SUDS3: variants seen among roughly 807,000 people sequenced by gnomAD.
The protein encoded by SUDS3 is sin3 histone deacetylase corepressor complex component SDS3.
Under a neutral mutation model 53.5 loss-of-function variants are expected in SUDS3, and 23 were observed. The ratio of observed to expected loss-of-function variants is 0.43; its 90% CI spans 0.31 to 0.61. SUDS3 has a LOEUF of 0.61. Among genes scored for constraint, SUDS3 ranks in the 20% least tolerant of loss-of-function variants. SUDS3 has a pLI of 0.10. For missense variants in SUDS3, 291 were observed against 405.9 expected, an observed-to-expected ratio of 0.72 and a Z score of 2.43; for synonymous variants, 150 against 148.5, an observed-to-expected ratio of 1.01 and a Z score of -0.08.
chr12:118,405,789 A>T (rs1217328491), intron 10 of SUDS3, among the ~76,000 whole-genome samples: 1 of 152,168 alleles, frequency 6.6e-6, no homozygotes, highest in Non-Finnish European at 1.5e-5. Context: ...CCATCTCACC[A>T]GGCTCATGTT....
chr12:118,413,433 A>T (rs1358443102), intron 11 of SUDS3, among the ~76,000 whole-genome samples: 1 of 152,178 alleles, frequency 6.6e-6, no homozygotes, highest in Non-Finnish European at 1.5e-5. Context: ...GTGATAAGTG[A>T]CTCAGCCTTG....
chr12:118,394,217 A>C (rs1406026727), intron 6 of SUDS3, among the ~76,000 whole-genome samples: 2 of 152,168 alleles, frequency 1.3e-5, no homozygotes, highest in Non-Finnish European at 2.9e-5. Context: ...GATAGAACCT[A>C]CTGCAGAGGG....
At chr12:118,400,834 A>G in intron 7 of SUDS3, 80 bp downstream of exon 7, 1 of 1,296,800 alleles carries the variant, frequency 7.7e-7, no homozygotes, top group Middle Eastern at 1.8e-4. Flanking sequence ...GCTAGGGTAC[A>G]CATGGCCGTT....
intron 2 of SUDS3, among the ~76,000 whole-genome samples, chr12:118,383,554 T>C (rs2046087011): frequency 6.6e-6 from 1 of 152,264 alleles, no homozygotes; most frequent in South Asian, 2.1e-4. Context: ...TGAAGGTTTA[T>C]TGACTTAGTT....
chr12:118,384,750 G>A (rs1014286666), intron 3 of SUDS3, among the ~76,000 whole-genome samples: 1 of 151,792 alleles, frequency 6.6e-6, no homozygotes, highest in Non-Finnish European at 1.5e-5. Context: ...GGAGAATAGC[G>A]TGAACCTGGA....
chr12:118,391,466 T>G (rs1024500875), intron 6 of SUDS3, among the ~76,000 whole-genome samples, 184 bp downstream of exon 6: 1 of 152,216 alleles, frequency 6.6e-6, no homozygotes, highest in African/African-American at 2.4e-5. Flanking sequence ...GCTGCTTAAC[T>G]TCTCTTTTCT....
At chr12:118,381,154 G>A (rs1435073826) in intron 2 of SUDS3, among the ~76,000 whole-genome samples, 2 of 152,114 alleles carry the variant, frequency 1.3e-5, no homozygotes. Context: ...GAGAAGCCAC[G>A]ATTGAAAAGC....
At chr12:118,394,140 A>G (rs150342875) in intron 6 of SUDS3, among the ~76,000 whole-genome samples, 178 of 152,348 alleles carry the variant, frequency 1.2e-3, no homozygotes, top group Middle Eastern at 3.4e-3. Flanking sequence ...CTGATGGTCC[A>G]GGGCTGAATC....
intron 10 of SUDS3, among the ~76,000 whole-genome samples, chr12:118,408,681 G>GT (rs910168891): frequency 4.0e-5 from 6 of 150,706 alleles, no homozygotes; most frequent in Non-Finnish European, 5.9e-5. Context: ...AGTTGACATA[G>GT]TTTTTTTTGG....
intron 6 of SUDS3, among the ~76,000 whole-genome samples, chr12:118,399,110 G>A (rs2046241652): frequency 6.6e-6 from 1 of 152,182 alleles, no homozygotes; most frequent in Non-Finnish European, 1.5e-5. Flanking sequence ...ATAGCTAAAG[G>A]CTTGCACACG....
chr12:118,401,916 C>T (rs764034863), intron 8 of SUDS3, 67 bp from the exon 9 acceptor site: 286 of 1,603,400 alleles, frequency 1.8e-4, no homozygotes, highest in Non-Finnish European at 2.4e-4. Flanking sequence ...ATTATGATAC[C>T]TTTGACACCT....
chr12:118,402,130 G>T, intron 9 of SUDS3, 126 bp downstream of exon 9: 1 of 1,098,852 alleles, frequency 9.1e-7, no homozygotes. Context: ...CCTAAGAGTA[G>T]TCATCATGAA....
chr12:118,411,644 CCCA>C (rs1198434725), intron 11 of SUDS3, among the ~76,000 whole-genome samples: 1 of 151,972 alleles, frequency 6.6e-6, no homozygotes, highest in Non-Finnish European at 1.5e-5. Context: ...ATTACAGGCA[CCCA>C]CCACCACGCC....
intron 6 of SUDS3, among the ~76,000 whole-genome samples, chr12:118,393,703 C>T (rs1378084485): frequency 6.6e-6 from 1 of 150,990 alleles, no homozygotes; most frequent in African/African-American, 2.4e-5. Flanking sequence ...CCAAGTCTTG[C>T]TCTGTCGCCC....
At chr12:118,406,267 T>C (rs1040231613) in intron 10 of SUDS3, among the ~76,000 whole-genome samples, 1 of 152,192 alleles carries the variant, frequency 6.6e-6, no homozygotes, top group African/African-American at 2.4e-5. Flanking sequence ...ACCCACTTGC[T>C]CAAGAGCATT....
chr12:118,385,125 T>TG (rs2046103501), intron 3 of SUDS3, among the ~76,000 whole-genome samples: 1 of 151,774 alleles, frequency 6.6e-6, no homozygotes, highest in Non-Finnish European at 1.5e-5. Context: ...TTTTTTTTTT[T>TG]CGAGGCTGAG....
At chr12:118,383,650 T>C (rs61943393) in intron 2 of SUDS3, among the ~76,000 whole-genome samples, 17,511 of 152,298 alleles carry the variant, frequency 0.11, 1,271 homozygotes, top group Middle Eastern at 0.19. Flanking sequence ...ATTGTAGAGT[T>C]GATGTAAGAG....
At chr12:118,409,396 T>C (rs7977716) in intron 10 of SUDS3, among the ~76,000 whole-genome samples, 12 of 152,072 alleles carry the variant, frequency 7.9e-5, no homozygotes, top group African/African-American at 1.4e-4. Context: ...CTGCCCACCT[T>C]GGCCTCCCAA....
At chr12:118,402,988 G>A (rs1297746563) in intron 9 of SUDS3, among the ~76,000 whole-genome samples, 1 of 152,102 alleles carries the variant, frequency 6.6e-6, no homozygotes, top group African/African-American at 2.4e-5. Context: ...CTCATCTGTT[G>A]ACCTCGTGAT....
Sources: gnomAD v4.1 joint callset for allele counts (sites outside exome capture counted in the v4.1 genomes callset) on GRCh38, gnomAD v4.1.1 for gene constraint, MANE v1.5 for transcripts, NCBI Gene and HGNC (gene_info 2026-07-23, HGNC 2026-07-21) for gene names.